Variants in TSPAN14 observed in about 807,000 individuals in gnomAD.
TSPAN14 encodes the protein tetraspanin 14, also known as tetraspanin-14.
Under a neutral mutation model 36.6 loss-of-function variants are expected in TSPAN14, and 16 were observed. The observed-to-expected ratio is 0.44, with a 90% CI of 0.30 to 0.66. The LOEUF is 0.66. Among genes scored for constraint, TSPAN14 ranks in the 30% least tolerant of loss-of-function variants. TSPAN14 has a pLI of 0.12. For missense variants in TSPAN14, 231 were observed against 355.1 expected (o/e 0.65, Z 2.81); for synonymous variants, 139 against 143.8 (o/e 0.97, Z 0.24).
intron 1 of TSPAN14, among the ~76,000 whole-genome samples, chr10:80,465,062 C>G (rs533157881): frequency 2.6e-5 from 4 of 152,280 alleles, no homozygotes; most frequent in Admixed American, 2.0e-4. Flanking sequence ...CTTCTCAAGT[C>G]CCTGTGCTTG....
chr10:80,467,734 G>C (rs1846320761), intron 1 of TSPAN14, among the ~76,000 whole-genome samples: 1 of 152,166 alleles, frequency 6.6e-6, no homozygotes, highest in African/African-American at 2.4e-5. Context: ...GATGCCTGTA[G>C]TTTTCAAGTG....
At position 80,507,683 on chromosome 10, in the gene TSPAN14, G is replaced by T. The variant is rs1840370743; in HGVS notation, c.279+309G>T. ...GAAATTCTAAAAGAATTGTTTGTCT[G>T]CTACTGTCCTTTGCCCTTCCTGGCT... On this transcript the variant is annotated intron_variant, in intron 4 of 8. Transcript: ENST00000429989. 2.0e-5 allele frequency among the ~76,000 whole-genome samples: 3 copies of T among 152,232 alleles called. No homozygotes were observed. The South Asian group carries it at 6.2e-4, about 32-fold the overall frequency.
At chr10:80,476,574 C>G (rs914788738) in intron 1 of TSPAN14, among the ~76,000 whole-genome samples, 4 of 151,914 alleles carry the variant, frequency 2.6e-5, no homozygotes, top group African/African-American at 9.7e-5. Flanking sequence ...CGCTACCACA[C>G]CCGGCTAATT....
At chr10:80,508,890 A>T (rs1840456293) in intron 4 of TSPAN14, among the ~76,000 whole-genome samples, 1 of 152,090 alleles carries the variant, frequency 6.6e-6, no homozygotes, top group South Asian at 2.1e-4. Context: ...GTCCTAAAGG[A>T]GCCGACACCC....
At chr10:80,520,328 G>A in exon 9 of TSPAN14, 2 of 332,000 alleles carry the variant, frequency 6.0e-6, no homozygotes, top group South Asian at 4.9e-5. Flanking sequence ...GCCATATCAT[G>A]TGACTCTGAA....
chr10:80,489,720 C>T (rs1464758134), intron 2 of TSPAN14, among the ~76,000 whole-genome samples: 2 of 152,184 alleles, frequency 1.3e-5, no homozygotes. Context: ...GCAATAAAGT[C>T]TTATCCTTGT....
chr10:80,479,899 A>T (rs1391306881), intron 1 of TSPAN14, among the ~76,000 whole-genome samples: 5 of 149,256 alleles, frequency 3.3e-5, no homozygotes, highest in Admixed American at 3.3e-4. Flanking sequence ...GGCCATTTTC[A>T]TGATATTGAT....
At chr10:80,514,809 A>G (rs999998578) in intron 7 of TSPAN14, among the ~76,000 whole-genome samples, 3 of 152,108 alleles carry the variant, frequency 2.0e-5, no homozygotes, top group South Asian at 2.1e-4. Flanking sequence ...ATGTGATGGT[A>G]TTTAAGAGGT....
At chr10:80,520,423 G>A (rs939243268) in exon 9 of TSPAN14, 4 of 416,376 alleles carry the variant, frequency 9.6e-6, no homozygotes, top group Non-Finnish European at 1.9e-5. Flanking sequence ...CCGCACAGAG[G>A]CACAGGGCAG....
intron 2 of TSPAN14, among the ~76,000 whole-genome samples, chr10:80,498,346 C>T (rs2132029980): frequency 6.6e-6 from 1 of 152,290 alleles, no homozygotes; most frequent in South Asian, 2.1e-4. Context: ...GATTGACAGA[C>T]TGAGGCCCAG....
intron 1 of TSPAN14, among the ~76,000 whole-genome samples, chr10:80,483,014 C>T (rs1488552976): frequency 2.0e-5 from 3 of 152,092 alleles, no homozygotes; most frequent in East Asian, 1.9e-4. Flanking sequence ...GGATTATAGG[C>T]GTGAGCCACT....
chr10:80,460,166 A>G (rs1217419991), intron 1 of TSPAN14, among the ~76,000 whole-genome samples: 3 of 152,192 alleles, frequency 2.0e-5, no homozygotes, highest in African/African-American at 7.2e-5. Flanking sequence ...CAAATACAAC[A>G]AAGAAAAGTG....
At chr10:80,490,981 A>G (rs1283414658) in intron 2 of TSPAN14, among the ~76,000 whole-genome samples, 1 of 152,196 alleles carries the variant, frequency 6.6e-6, no homozygotes, top group Non-Finnish European at 1.5e-5. Flanking sequence ...TTTTGCTTCT[A>G]CTGCAGATTT....
At chr10:80,484,327 A>AT (rs1485595965) in intron 1 of TSPAN14, among the ~76,000 whole-genome samples, 1 of 151,070 alleles carries the variant, frequency 6.6e-6, no homozygotes, top group Non-Finnish European at 1.5e-5. Context: ...TTTTTTTTAA[A>AT]TTTTTTTATT....
At chr10:80,467,451 C>T (rs1199365541) in intron 1 of TSPAN14, among the ~76,000 whole-genome samples, 2 of 152,102 alleles carry the variant, frequency 1.3e-5, no homozygotes, top group African/African-American at 4.8e-5. Context: ...TACTGGGTGA[C>T]CTTGGTGGGT....
chr10:80,460,149 C>A (rs527784342), intron 1 of TSPAN14, among the ~76,000 whole-genome samples: 2 of 152,144 alleles, frequency 1.3e-5, no homozygotes, highest in South Asian at 4.2e-4. Context: ...AGAGAGTGGG[C>A]CAACTCCAAA....
chr10:80,458,312 T>C (rs934534421), intron 1 of TSPAN14, among the ~76,000 whole-genome samples: 4 of 151,928 alleles, frequency 2.6e-5, no homozygotes, highest in African/African-American at 9.7e-5. Flanking sequence ...TAGAAGGGAG[T>C]AGGAACCCTG....
intron 1 of TSPAN14, among the ~76,000 whole-genome samples, chr10:80,470,486 AAG>A (rs759580263): frequency 1.3e-5 from 2 of 152,262 alleles, no homozygotes; most frequent in Non-Finnish European, 2.9e-5. Context: ...TTTGTATAAA[AAG>A]ATTTTTAAGC....
chr10:80,502,869 AG>A (rs2132038500), intron 2 of TSPAN14, among the ~76,000 whole-genome samples: 1 of 152,140 alleles, frequency 6.6e-6, no homozygotes, highest in South Asian at 2.1e-4. Context: ...GGCAGGGTGA[AG>A]GAGCTAGGAC....
Sources: allele counts gnomAD v4.1 joint callset (sites outside exome capture counted in the v4.1 genomes callset), GRCh38; gene constraint gnomAD v4.1.1; transcripts MANE v1.5; gene names NCBI Gene and HGNC (gene_info 2026-07-23, HGNC 2026-07-21).